The following PRSS23 variants were observed in gnomAD, a reference collection of about 807,000 sequenced individuals.
PRSS23 encodes the protein serine protease 23.
Under a neutral mutation model 34.7 loss-of-function variants are expected in PRSS23, and 25 were observed. The observed-to-expected ratio is 0.72, with a 90% CI of 0.53 to 1.01. PRSS23 has a LOEUF of 1.01. Among genes scored for constraint, PRSS23 ranks in the 50% least tolerant of loss-of-function variants. PRSS23 has a pLI of 0.00. For synonymous variants in PRSS23, 176 were observed against 186.6 expected, an observed-to-expected ratio of 0.94 and a Z score of 0.46; for missense variants, 445 against 475.6, an observed-to-expected ratio of 0.94 and a Z score of 0.60.
At chr11:86,922,438 C>T (rs1439955261) in intron 2 of PRSS23, among the ~76,000 whole-genome samples, 1 of 151,898 alleles carries the variant, frequency 6.6e-6, no homozygotes, top group Non-Finnish European at 1.5e-5. Flanking sequence ...GAGTTAGAGA[C>T]CAACCTGGGC....
intron 2 of PRSS23, among the ~76,000 whole-genome samples, chr11:86,828,149 C>A (rs904374604): frequency 1.3e-5 from 2 of 152,110 alleles, no homozygotes; most frequent in South Asian, 2.1e-4. Context: ...GTAGGTCACT[C>A]AGGACTTGCT....
intron 2 of PRSS23, among the ~76,000 whole-genome samples, chr11:86,866,592 T>A (rs1345154226): frequency 1.3e-5 from 2 of 152,184 alleles, no homozygotes; most frequent in African/African-American, 2.4e-5. Context: ...CTCTGGGTAT[T>A]TAAGGATGAG....
At chr11:86,952,367 G>A (rs1237127617) in exon 3 of PRSS23, 1 of 1,614,208 alleles carries the variant, frequency 6.2e-7, no homozygotes, top group African/African-American at 1.3e-5. Flanking sequence ...CTTCAGGACG[G>A]GTTCACAGCG....
chr11:86,951,057 A>T, intron 2 of PRSS23: 3 of 1,403,170 alleles, frequency 2.1e-6, no homozygotes, highest in South Asian at 2.3e-5. Flanking sequence ...ACTGAGATTC[A>T]CTGCATAAAA....
intron 2 of PRSS23, among the ~76,000 whole-genome samples, chr11:86,929,050 G>A (rs911487871): frequency 2.0e-5 from 3 of 151,994 alleles, no homozygotes; most frequent in African/African-American, 7.2e-5. Context: ...GGCTGGGTGC[G>A]GTGCCTCGTG....
intron 1 of PRSS23, among the ~76,000 whole-genome samples, chr11:86,816,360 G>T (rs1403215288): frequency 6.6e-6 from 1 of 152,176 alleles, no homozygotes; most frequent in African/African-American, 2.4e-5. Flanking sequence ...GGTCACTGTA[G>T]TCATGACTCT....
At chr11:86,827,044 A>C (rs1948307555) in intron 2 of PRSS23, among the ~76,000 whole-genome samples, 1 of 152,008 alleles carries the variant, frequency 6.6e-6, no homozygotes, top group Non-Finnish European at 1.5e-5. Flanking sequence ...TTTTCTATTG[A>C]TTGGAATAGT....
intron 2 of PRSS23, among the ~76,000 whole-genome samples, chr11:86,835,266 A>C (rs1948395789): frequency 6.6e-6 from 1 of 152,218 alleles, no homozygotes; most frequent in Non-Finnish European, 1.5e-5. Context: ...TAACTGCTTC[A>C]GATACTAAGA....
chr11:86,826,962 G>A (rs1167118301), intron 2 of PRSS23, among the ~76,000 whole-genome samples: 3 of 151,968 alleles, frequency 2.0e-5, no homozygotes, highest in South Asian at 2.1e-4. Flanking sequence ...CTCTTTTTTG[G>A]TTGTGTCTCT....
exon 3 of PRSS23, chr11:86,951,638 A>T: frequency 6.2e-7 from 1 of 1,614,206 alleles, no homozygotes; most frequent in Non-Finnish European, 8.5e-7. Flanking sequence ...CAAGCCAGTC[A>T]GTTCATCTGC....
chr11:86,879,234 C>T (rs1395158289), intron 2 of PRSS23, among the ~76,000 whole-genome samples: 18 of 149,854 alleles, frequency 1.2e-4, no homozygotes, highest in East Asian at 2.0e-4. Context: ...TCTGCCCCGC[C>T]GCCCCGTCTG....
chr11:86,944,374 T>C (rs750156555), intron 2 of PRSS23, among the ~76,000 whole-genome samples: 1 of 152,048 alleles, frequency 6.6e-6, no homozygotes, highest in Non-Finnish European at 1.5e-5. Context: ...AAGGTCACGT[T>C]CACAGGTATC....
intron 2 of PRSS23, among the ~76,000 whole-genome samples, chr11:86,891,898 C>A (rs565187852): frequency 6.6e-6 from 1 of 152,306 alleles, no homozygotes; most frequent in Admixed American, 6.5e-5. Flanking sequence ...CCTTCACCTT[C>A]CACCATGACT....
chr11:86,820,027 A>G (rs1014905459), intron 1 of PRSS23, among the ~76,000 whole-genome samples: 6 of 152,238 alleles, frequency 3.9e-5, no homozygotes, highest in African/African-American at 1.4e-4. Flanking sequence ...CAAAAAATGT[A>G]TAACTATTCA....
At chr11:86,931,111 TG>T (rs1485645002) in intron 2 of PRSS23, among the ~76,000 whole-genome samples, 4 of 152,302 alleles carry the variant, frequency 2.6e-5, no homozygotes, top group African/African-American at 9.6e-5. Flanking sequence ...GAGAAATGAC[TG>T]GAGGAAGCAA....
rs112250672 is a variant in PRSS23 at position 86,938,405 on chromosome 11, G to T, written c.207-12811G>T. Among the ~76,000 whole-genome samples the T allele has an allele frequency of 4.8e-3, 728 of 152,278 alleles. 6 individuals are homozygous for T. The highest frequency in any genetic ancestry group is 0.017 in the African/African-American group (704 of 41,542). ...GAAGAAGAGGAAACACTTACTCAGG[G>T]ACTTGAAGAATGAGCAGAAGGGCCA... On this transcript the variant is annotated intron_variant, in intron 2 of 2. Transcript: ENST00000533902.
chr11:86,805,708 A>C (rs1443499096), intron 1 of PRSS23, among the ~76,000 whole-genome samples: 1 of 152,190 alleles, frequency 6.6e-6, no homozygotes, highest in Non-Finnish European at 1.5e-5. Flanking sequence ...TGGGGCACAC[A>C]CATATGTTAG....
At chr11:86,911,097 A>G (rs1948974068) in intron 2 of PRSS23, 1 of 152,116 alleles carries the variant, frequency 6.6e-6, no homozygotes, top group African/African-American at 2.4e-5. Context: ...AAGGGTAAAG[A>G]TTTCCTTATT....
At chr11:86,858,113 CTG>C (rs906891987) in intron 2 of PRSS23, among the ~76,000 whole-genome samples, 17 of 151,972 alleles carry the variant, frequency 1.1e-4, no homozygotes, top group African/African-American at 3.6e-4. Flanking sequence ...ATCTCAGAAA[CTG>C]TACACCCCTG....
Sources: allele counts gnomAD v4.1 joint callset (sites outside exome capture counted in the v4.1 genomes callset), GRCh38; gene constraint gnomAD v4.1.1; transcripts MANE v1.5; gene names NCBI Gene and HGNC (gene_info 2026-07-23, HGNC 2026-07-21).